Variants in COL5A2 observed in about 807,000 individuals in gnomAD.
COL5A2 encodes the protein collagen type V alpha 2 chain, also known as collagen alpha-2(V) chain.
COL5A2 carries 23 observed loss-of-function variants against 208.2 expected under a neutral mutation model. The ratio of observed to expected loss-of-function variants is 0.11; its 90% CI spans 0.08 to 0.16. The LOEUF (loss-of-function observed/expected upper bound fraction) is 0.16, where lower values mean the gene tolerates loss of function less well. COL5A2 is among the 10% of genes least tolerant of loss of function. COL5A2 has a pLI of 1.00. For synonymous variants in COL5A2, 625 were observed against 628.5 expected (o/e 0.99, Z 0.08); for missense variants, 1,590 against 1,956.4 (o/e 0.81, Z 3.53).
chr2:189,399,422 AG>A, the COL5A2 span, among the ~76,000 whole-genome samples: 1 of 151,542 alleles, frequency 6.6e-6, no homozygotes. Context: ...AGCTAATTTT[AG>A]TATTTTTAGT....
chr2:189,338,268 C>T, the COL5A2 span, among the ~76,000 whole-genome samples: 1 of 152,162 alleles, frequency 6.6e-6, no homozygotes. Context: ...TCACCTTTGC[C>T]ACCCAGTTCA....
chr2:189,292,094 C>G, the COL5A2 span, among the ~76,000 whole-genome samples: 30 of 152,134 alleles, frequency 2.0e-4, no homozygotes, highest in Non-Finnish European at 4.1e-4. Flanking sequence ...GTAGTCTACT[C>G]CAACCCAAGA....
At chr2:189,170,865 A>C (rs1411591368) in intron 1 of COL5A2, among the ~76,000 whole-genome samples, 1 of 152,076 alleles carries the variant, frequency 6.6e-6, no homozygotes, top group Non-Finnish European at 1.5e-5. Context: ...ATTAATAAAT[A>C]ATGTTAATAA....
At chr2:189,353,548 A>T in the COL5A2 span, among the ~76,000 whole-genome samples, 1 of 152,116 alleles carries the variant, frequency 6.6e-6, no homozygotes, top group Non-Finnish European at 1.5e-5. Flanking sequence ...TTATCTTTGT[A>T]GTAATTGTGA....
the COL5A2 span, among the ~76,000 whole-genome samples, chr2:189,287,255 GGTAGTT>G: frequency 2.6e-5 from 4 of 151,824 alleles, no homozygotes; most frequent in Non-Finnish European, 5.9e-5. Context: ...CATAATCAAT[GGTAGTT>G]ATCATTAAAG....
the COL5A2 span, among the ~76,000 whole-genome samples, chr2:189,255,646 T>G: frequency 1.3e-5 from 2 of 152,184 alleles, no homozygotes; most frequent in Non-Finnish European, 2.9e-5. Flanking sequence ...TTAACTTTAC[T>G]ATAGGTTGGT....
the COL5A2 span, among the ~76,000 whole-genome samples, chr2:189,285,071 G>GGTGTGTGTGTGTGTGTGTGTGT: frequency 9.3e-5 from 13 of 139,790 alleles, no homozygotes; most frequent in East Asian, 1.5e-3. Context: ...GCATGCACAT[G>GGTGTGTGTGTGTGTGTGTGTGT]GTGTGTGTGT....
intron 1 of COL5A2, among the ~76,000 whole-genome samples, chr2:189,148,738 A>G (rs1382899367): frequency 6.6e-6 from 1 of 152,248 alleles, no homozygotes; most frequent in African/African-American, 2.4e-5. Flanking sequence ...CACAAATTTA[A>G]TCTCATATAT....
intron 1 of COL5A2, among the ~76,000 whole-genome samples, chr2:189,201,280 CA>C (rs1276363483): frequency 1.3e-5 from 2 of 151,740 alleles, no homozygotes; most frequent in Admixed American, 1.3e-4. Flanking sequence ...CAACCACTAA[CA>C]AAATATTAAA....
intron 8 of COL5A2, 79 bp from the exon 9 acceptor site, chr2:189,086,849 C>G: frequency 1.6e-6 from 2 of 1,246,892 alleles, no homozygotes; most frequent in Non-Finnish European, 2.3e-6. Context: ...TGAATCATCT[C>G]TAGAATCTGG....
intron 44 of COL5A2, 68 bp from the exon 45 acceptor site, chr2:189,048,330 A>C (rs1019238410): frequency 1.4e-6 from 2 of 1,401,750 alleles, no homozygotes; most frequent in Non-Finnish European, 2.0e-6. Context: ...TCCAATTGTC[A>C]AAAAATGACA....
At chr2:189,359,345 C>T in the COL5A2 span, among the ~76,000 whole-genome samples, 45 of 152,152 alleles carry the variant, frequency 3.0e-4, 1 homozygote, top group South Asian at 9.1e-3. Flanking sequence ...TGATTTTTGT[C>T]CTTCATTCCG....
At chr2:189,219,919 T>C (rs1576589529) in intron 1 of COL5A2, among the ~76,000 whole-genome samples, 1 of 152,052 alleles carries the variant, frequency 6.6e-6, no homozygotes, top group African/African-American at 2.4e-5. Context: ...TTTAATACCA[T>C]ACTGTCATCG....
chr2:189,269,649 T>C, the COL5A2 span, among the ~76,000 whole-genome samples: 3 of 152,330 alleles, frequency 2.0e-5, no homozygotes, highest in Admixed American at 1.3e-4. Flanking sequence ...CAATATTTTA[T>C]TGAGGATTTT....
the COL5A2 span, among the ~76,000 whole-genome samples, chr2:189,324,301 C>T: frequency 9.7e-4 from 147 of 152,200 alleles, no homozygotes; most frequent in Admixed American, 1.7e-3. Context: ...CAACAGAAGC[C>T]AAAATTGACA....
chr2:189,288,595 A>G, the COL5A2 span, among the ~76,000 whole-genome samples: 2 of 152,242 alleles, frequency 1.3e-5, no homozygotes, highest in African/African-American at 2.4e-5. Flanking sequence ...TCCATGAAAG[A>G]AAAGCCTAGA....
At chr2:189,080,798 T>G (rs963226311) in intron 13 of COL5A2, among the ~76,000 whole-genome samples, 192 bp downstream of exon 13, 4 of 152,186 alleles carry the variant, frequency 2.6e-5, no homozygotes, top group Non-Finnish European at 4.4e-5. Flanking sequence ...ATATATTTCT[T>G]TATCAAATCA....
intron 1 of COL5A2, among the ~76,000 whole-genome samples, chr2:189,200,063 T>C (rs566264441): frequency 6.6e-6 from 1 of 152,308 alleles, no homozygotes; most frequent in African/African-American, 2.4e-5. Flanking sequence ...GAAGTAGCTT[T>C]TTCCTACAGT....
intron 1 of COL5A2, among the ~76,000 whole-genome samples, chr2:189,214,008 T>G (rs949649835): frequency 3.5e-4 from 54 of 152,188 alleles, no homozygotes; most frequent in African/African-American, 1.3e-3. Flanking sequence ...CAATGAAAAA[T>G]GTTTTTAATG....
Sources: gnomAD v4.1 joint callset for allele counts (sites outside exome capture counted in the v4.1 genomes callset) on GRCh38, gnomAD v4.1.1 for gene constraint, MANE v1.5 for transcripts, NCBI Gene and HGNC (gene_info 2026-07-23, HGNC 2026-07-21) for gene names.